CSMD1: variants seen among roughly 807,000 people sequenced by gnomAD.
CSMD1 encodes CUB and Sushi multiple domains 1, also known as CUB and sushi domain-containing protein 1.
In CSMD1, 213 loss-of-function variants were observed where a neutral mutation model predicts 417.5. The ratio of observed to expected loss-of-function variants is 0.51; its 90% confidence interval spans 0.46 to 0.57. The LOEUF is 0.57. Among genes scored for constraint, CSMD1 ranks in the 20% least tolerant of loss-of-function variants. CSMD1 has a pLI of 0.00. For missense variants in CSMD1, 6,923 were observed against 4,529.7 expected, an observed-to-expected ratio of 1.53 and a Z score of -15.17; for synonymous variants, 2,862 against 1,736.8, an observed-to-expected ratio of 1.65 and a Z score of -16.11.
intron 2 of CSMD1, among the ~76,000 whole-genome samples, chr8:4,517,141 G>A (rs1420164080): frequency 6.6e-6 from 1 of 152,162 alleles, no homozygotes; most frequent in Non-Finnish European, 1.5e-5. Context: ...AGGAAAACAT[G>A]ATTATAAGTA....
At chr8:3,535,854 T>G (rs1016680197) in intron 10 of CSMD1, among the ~76,000 whole-genome samples, 1 of 152,190 alleles carries the variant, frequency 6.6e-6, no homozygotes, top group Admixed American at 6.5e-5. Context: ...AGTGTGGTAT[T>G]TGGCCCTGTT....
At chr8:3,427,824 T>G (rs1039683993) in intron 12 of CSMD1, among the ~76,000 whole-genome samples, 2 of 152,232 alleles carry the variant, frequency 1.3e-5, no homozygotes, top group African/African-American at 4.8e-5. Flanking sequence ...GAGGACCAAT[T>G]GCTTCCAGCA....
At chr8:4,196,154 G>A (rs947535041) in intron 3 of CSMD1, among the ~76,000 whole-genome samples, 2 of 152,044 alleles carry the variant, frequency 1.3e-5, no homozygotes, top group Non-Finnish European at 2.9e-5. Flanking sequence ...GAGCTTGCAG[G>A]GAGCCGAGAT....
intron 1 of CSMD1, among the ~76,000 whole-genome samples, chr8:4,851,326 T>A (rs1012298043): frequency 2.6e-5 from 4 of 152,166 alleles, no homozygotes; most frequent in African/African-American, 7.2e-5. Context: ...ACATGCCAAC[T>A]TTTCTCGCCC....
Position 3,462,125 on chromosome 8 carries a change from C to A in CSMD1, c.1561+6587G>T, listed in dbSNP as rs1010321936. 5.0e-5 allele frequency among the ~76,000 whole-genome samples: 7 copies of A among 138,840 alleles called. No individual in the cohort carries two copies. The South Asian group carries it at 9.2e-4, about 18-fold the overall frequency. The allele number at this position is 138,840 out of a possible 152,430, so 91.1% of individuals were successfully genotyped here. ...GGGTGCTCTCTTCAGAATCCAGGCCCCCCCCCCCACCTCCCAGCTGCTCGG... is the reference window on the plus strand; with the variant it reads ...GGGTGCTCTCTTCAGAATCCAGGCCACCCCCCCCACCTCCCAGCTGCTCGG... On this transcript the variant is annotated intron_variant, in intron 12 of 69. Coordinates refer to ENST00000635120, the MANE Select transcript of CSMD1 (RefSeq NM_033225.6).
intron 3 of CSMD1, among the ~76,000 whole-genome samples, chr8:4,335,306 G>T (rs1359772120): frequency 6.6e-6 from 1 of 152,020 alleles, no homozygotes; most frequent in Non-Finnish European, 1.5e-5. Context: ...TAACCGGGAG[G>T]GTGAGGATTT....
intron 2 of CSMD1, among the ~76,000 whole-genome samples, chr8:4,579,951 T>A (rs1799333889): frequency 6.6e-6 from 1 of 152,208 alleles, no homozygotes. Flanking sequence ...TATTTTATGT[T>A]TACATTTCCA....
intron 2 of CSMD1, among the ~76,000 whole-genome samples, chr8:4,581,413 T>C (rs2130697926): frequency 6.6e-6 from 1 of 152,344 alleles, no homozygotes; most frequent in Middle Eastern, 3.4e-3. Flanking sequence ...CTCCAATTTT[T>C]ATCTTTTTGA....
At chr8:3,287,044 C>T (rs931029512) in intron 25 of CSMD1, among the ~76,000 whole-genome samples, 2 of 152,056 alleles carry the variant, frequency 1.3e-5, no homozygotes, top group Admixed American at 6.6e-5. Context: ...CTACATATGG[C>T]TAGCCAGTTT....
chr8:4,355,868 C>G lies in CSMD1; in HGVS notation c.415+64085G>C, dbSNP rs530532395. Among the ~76,000 whole-genome samples the G allele has an allele frequency of 4.6e-5, 7 of 152,334 alleles. No individual in the cohort carries two copies. In the South Asian group the frequency reaches 8.3e-4, roughly 18 times the overall value. On this transcript the variant is annotated intron_variant, in intron 3 of 69. Coordinates refer to ENST00000635120, the MANE Select transcript of CSMD1 (RefSeq NM_033225.6). ...TAGAGGAGCTTTGGAGGATGGGAAC[C>G]AGGCCTTGCCATTTAAACAGCGCAG...
Position 2,957,755 on chromosome 8 carries a change from G to A in CSMD1, c.9755C>T (p.Ser3252Phe). 3 of 1,599,720 alleles carry A rather than the reference G, an allele frequency of 1.9e-6. No homozygotes were observed. The highest frequency in any genetic ancestry group is 2.6e-6 in the Non-Finnish European group (3 of 1,172,452). The part of the protein sequence containing the change: ...RCRKGYHIQG[S>F]TTRTCLANLT... ...ATTGGCAAGGCAGGTGCGAGTCGTGGAACCTTGAATATGGTAGCCTTTTCT... is the reference window on the plus strand; with the variant it reads ...ATTGGCAAGGCAGGTGCGAGTCGTGAAACCTTGAATATGGTAGCCTTTTCT... Residue 3252 changes from serine to phenylalanine, a missense_variant, in exon 63 of 70, where the codon TCC becomes TTC. By Grantham distance (155) the Ser-to-Phe change is radical (BLOSUM62 -2). Transcript: ENST00000635120.
intron 3 of CSMD1, among the ~76,000 whole-genome samples, chr8:4,269,497 T>A (rs528861491): frequency 6.6e-6 from 1 of 152,310 alleles, no homozygotes; most frequent in South Asian, 2.1e-4. Context: ...TTTTTGAATA[T>A]GGGAAGCATG....
At chr8:4,967,939 T>C (rs1195104179) in intron 1 of CSMD1, among the ~76,000 whole-genome samples, 2 of 152,064 alleles carry the variant, frequency 1.3e-5, no homozygotes, top group African/African-American at 4.8e-5. Context: ...TGATTGAAAA[T>C]GATGTATTTT....
At chr8:3,571,127 C>T (rs77454328) in intron 10 of CSMD1, among the ~76,000 whole-genome samples, 3,700 of 152,250 alleles carry the variant, frequency 0.024, 154 homozygotes, top group African/African-American at 0.084. Context: ...ATTCTCACGA[C>T]AGCTGAGGCA....
chr8:4,501,067 A>T (rs907561944), intron 2 of CSMD1, among the ~76,000 whole-genome samples: 44 of 152,278 alleles, frequency 2.9e-4, no homozygotes, highest in Non-Finnish European at 2.6e-4. Context: ...GGGCCAAAAA[A>T]GATATAATAA....
intron 9 of CSMD1, among the ~76,000 whole-genome samples, chr8:3,580,867 C>A (rs78167284): frequency 0.016 from 2,495 of 152,064 alleles, 73 homozygotes; most frequent in African/African-American, 0.055. Flanking sequence ...CAGAAAACAC[C>A]AATGGAAAAG....
rs1796834076 is a variant in CSMD1, at chr8:4,282,356, G to A, written c.415+137597C>T. Among the ~76,000 whole-genome samples the A allele has an allele frequency of 2.6e-5, 4 of 152,132 alleles. No homozygotes were observed. The South Asian group carries it at 6.2e-4, about 24-fold the overall frequency. On this transcript the variant is annotated intron_variant, in intron 3 of 69. Transcript: ENST00000635120. ...TCATAACACAGATCTTCTGGCCACTGGACAAGAGGGCTCTCTTCTTCATTT... is the reference window on the plus strand; with the variant it reads ...TCATAACACAGATCTTCTGGCCACTAGACAAGAGGGCTCTCTTCTTCATTT...
intron 18 of CSMD1, among the ~76,000 whole-genome samples, chr8:3,377,452 A>T (rs1810384286): frequency 6.6e-6 from 1 of 152,358 alleles, no homozygotes; most frequent in African/African-American, 2.4e-5. Context: ...TAAAGAAACA[A>T]AATGAATAAG....
At chr8:4,941,537 A>T (rs571232703) in intron 1 of CSMD1, among the ~76,000 whole-genome samples, 1 of 152,258 alleles carries the variant, frequency 6.6e-6, no homozygotes, top group Non-Finnish European at 1.5e-5. Context: ...TTTCTTCTGC[A>T]GTCTTTGTCA....
Sources: allele counts gnomAD v4.1 joint callset (sites outside exome capture counted in the v4.1 genomes callset), GRCh38; gene constraint gnomAD v4.1.1; transcripts MANE v1.5; gene names NCBI Gene and HGNC (gene_info 2026-07-23, HGNC 2026-07-21).